The following EIF4G2 variants were observed in gnomAD, a reference collection of about 807,000 sequenced individuals.
EIF4G2 encodes DAP-5.
EIF4G2 carries 8 observed loss-of-function variants against 117.7 expected under a neutral mutation model. The observed-to-expected ratio is 0.07, with a 90% CI of 0.04 to 0.12. The LOEUF is 0.12. EIF4G2 is among the 10% of genes least tolerant of loss of function. The pLI is 1.00. For synonymous variants in EIF4G2, 413 were observed against 367.8 expected, an observed-to-expected ratio of 1.12 and a Z score of -1.41; for missense variants, 812 against 1,086.2, an observed-to-expected ratio of 0.75 and a Z score of 3.55.
In EIF4G2 at chr11:10,803,333, C is replaced by G; in HGVS notation, c.814-39G>C. The G allele has an allele frequency of 3.7e-6, 6 of 1,601,498 alleles. No homozygotes were observed. Among genetic ancestry groups the G allele is most frequent in the Non-Finnish European group, 5.1e-6 (6 of 1,172,128 alleles). On this transcript the variant is annotated intron_variant, in intron 9 of 21. Coordinates refer to ENST00000339995, the MANE Select transcript of EIF4G2 (RefSeq NM_001418.4). The surrounding 1 kb of genome is among the most constrained non-coding windows in gnomAD (Gnocchi z 4.0). ...AATACATTCATTGGAAGAGCTAAAG[C>G]AAATGTGTTCAATTTACAGCTTTAA...
chr11:10,799,876 G>T, intron 18 of EIF4G2, 120 bp from the exon 19 acceptor site: 1 of 1,281,140 alleles, frequency 7.8e-7, no homozygotes, highest in Non-Finnish European at 1.1e-6. Context: ...GCAGAATAGA[G>T]AACCAACCCA....
chr11:10,804,096 G>C (rs1355446254), intron 7 of EIF4G2, 41 bp downstream of exon 7: 2 of 1,612,568 alleles, frequency 1.2e-6, no homozygotes, highest in Non-Finnish European at 1.7e-6. Flanking sequence ...GAATTAAGCT[G>C]AAAATATACA....
chr11:10,802,988 AC>A (rs760069734), intron 11 of EIF4G2, 41 bp downstream of exon 11: 10 of 1,575,650 alleles, frequency 6.3e-6, no homozygotes, highest in South Asian at 1.1e-5. Context: ...TATTCTACAC[AC>A]ACAGAGTCTA....
In EIF4G2 at chr11:10,806,849, A is replaced by G; in HGVS notation, c.78T>C (p.Pro26=). 1 of 1,614,172 alleles carries G rather than the reference A, an allele frequency of 6.2e-7. No individual in the cohort carries two copies. Among genetic ancestry groups the G allele is most frequent in the Admixed American group, 1.7e-5 (1 of 60,014 alleles). Reference sequence around the variant, plus strand: ...TGCCAGCAGTCTTGGGATAGTGCTGAGGTGCACCCCTACTTCCTCCTCCGC... The same window carrying G: ...TGCCAGCAGTCTTGGGATAGTGCTGGGGTGCACCCCTACTTCCTCCTCCGC... The change falls in exon 3 of 22, where the codon CCT becomes CCC. Residue 26 remains proline (P), a synonymous_variant. Coordinates refer to ENST00000339995, the MANE Select transcript of EIF4G2 (RefSeq NM_001418.4).
intron 18 of EIF4G2, 32 bp downstream of exon 18, chr11:10,800,058 A>T (rs752634255): frequency 1.3e-6 from 2 of 1,598,406 alleles, no homozygotes; most frequent in South Asian, 2.2e-5. Context: ...TAATATTAAA[A>T]AAACAAAACA....
intron 4 of EIF4G2, 112 bp from the exon 5 acceptor site, chr11:10,805,127 C>T: frequency 1.2e-6 from 1 of 820,712 alleles, no homozygotes; most frequent in African/African-American, 1.7e-5. Context: ...TTTAAAAAAT[C>T]AAGACATGTT....
intron 13 of EIF4G2, 50 bp downstream of exon 13, chr11:10,801,999 A>C: frequency 6.8e-5 from 1 of 14,658 alleles, no homozygotes; most frequent in Non-Finnish European, 1.3e-4. Context: ...AGTTTGAAAT[A>C]AATGTTGCAG....
At chr11:10,801,541 G>A (rs1006102479) in intron 14 of EIF4G2, 120 bp downstream of exon 14, 3 of 938,196 alleles carry the variant, frequency 3.2e-6, no homozygotes, top group Non-Finnish European at 5.2e-6. Context: ...ATAGAAAAGA[G>A]AGAAAAACGT....
chr11:10,808,323 C>G, intron 1 of EIF4G2: 1 of 1,208,396 alleles, frequency 8.3e-7, no homozygotes. Context: ...GTTCCCTGGT[C>G]CCGCGCCAAC....
intron 14 of EIF4G2, chr11:10,801,348 C>T: frequency 1.6e-6 from 1 of 618,406 alleles, no homozygotes; most frequent in Non-Finnish European, 2.8e-6. Flanking sequence ...TAAAAAACTG[C>T]AAATTTAACT....
rs780767255 is a variant in EIF4G2 at position 10,802,149 on chromosome 11, C to T, written c.1199G>A (p.Arg400His). ...ATTGAAGAGTTGATTTGAACGATGA[C>T]GTCCCATGGTGGGTGAAAATCTATC... is the stretch of plus-strand genomic sequence containing the variant. Residue 400 changes from arginine to histidine, a missense_variant, in exon 13 of 22, where the codon CGT becomes CAT. Arg to His is a conservative substitution (Grantham distance 29). Transcript: ENST00000339995. 6.2e-6 allele frequency: 10 copies of T among 1,614,126 alleles called. No individual in the cohort carries two copies. The highest frequency in any genetic ancestry group is 2.7e-5 in the African/African-American group (2 of 74,936).
At chr11:10,804,094 C>T in intron 7 of EIF4G2, 43 bp downstream of exon 7, 1 of 1,612,390 alleles carries the variant, frequency 6.2e-7, no homozygotes, top group Non-Finnish European at 8.5e-7. Context: ...CAGAATTAAG[C>T]TGAAAATATA....
intron 5 of EIF4G2, 57 bp downstream of exon 5, chr11:10,804,856 T>G: frequency 9.8e-5 from 141 of 1,439,282 alleles, no homozygotes; most frequent in Non-Finnish European, 1.3e-4. Flanking sequence ...AAACACAACT[T>G]GAGTTTGTTA....
rs779055818 is a variant in EIF4G2, at chr11:10,807,375, G to T, written c.-80C>A. The stretch of plus-strand genomic sequence containing the variant: ...GGGGAGGGGAGGGGACAGGAGAAAT[G>T]AAATACCTGGAACGAGAAAGAGCAC... On this transcript the variant is annotated 5_prime_UTR_variant, in exon 2 of 22. Coordinates refer to ENST00000339995, the MANE Select transcript of EIF4G2 (RefSeq NM_001418.4). 3 of 1,599,104 alleles carry T rather than the reference G, an allele frequency of 1.9e-6. No homozygotes were observed. Among genetic ancestry groups the T allele is most frequent in the East Asian group, 2.2e-5 (1 of 44,802 alleles).
intron 11 of EIF4G2, 89 bp from the exon 12 acceptor site, chr11:10,802,524 G>A (rs538975716): frequency 7.0e-7 from 1 of 1,429,624 alleles, no homozygotes; most frequent in African/African-American, 1.4e-5. Context: ...GGGAAACCTA[G>A]AATATTAAAC....
chr11:10,805,047 A>G, intron 4 of EIF4G2, 32 bp from the exon 5 acceptor site: 1 of 1,508,624 alleles, frequency 6.6e-7, no homozygotes, highest in South Asian at 1.1e-5. Flanking sequence ...TTTAAGTGTT[A>G]GCTAATACAC....
chr11:10,798,052 CAG>C (rs1189385590), intron 21 of EIF4G2, among the ~76,000 whole-genome samples, 171 bp from the exon 22 acceptor site: 1 of 152,208 alleles, frequency 6.6e-6, no homozygotes, highest in Non-Finnish European at 1.5e-5. Context: ...TGGGACAACA[CAG>C]AGCTAAAGAT....
In EIF4G2 at chr11:10,797,273, CTT is replaced by C. The variant is rs1441292474; in HGVS notation, c.*541_*542del. 2 of 153,218 alleles carry C rather than the reference CTT, an allele frequency of 1.3e-5. No individual in the cohort carries two copies. Among genetic ancestry groups the C allele is most frequent in the Non-Finnish European group, 2.9e-5 (2 of 68,496 alleles). 9.5% of individuals were successfully genotyped at this position (153,218 alleles called of 1,614,324 possible). ...GTAAACCATGTTTCTTTTAAAAAGA[CTT>C]GTGCACTTGCCCAGGCTCAAGGATA... On this transcript the variant is annotated 3_prime_UTR_variant, in exon 22 of 22. Transcript: ENST00000339995. The surrounding 1 kb of genome is among the most constrained non-coding windows in gnomAD (Gnocchi z 4.5).
In EIF4G2 at chr11:10,800,487, G is replaced by T. The variant is rs762668499; in HGVS notation, c.1805C>A (p.Ser602Tyr). Residue 602 changes from serine to tyrosine, a missense_variant, in exon 17 of 22, where the codon TCT becomes TAT. Physicochemically the swap from Ser to Tyr is moderately radical, Grantham distance 144. This residue lies in a region of EIF4G2 where 571 missense variants were observed against 642.3 expected (regional missense o/e 0.89). Transcript: ENST00000339995. ...TTCCTGTTTGAGTAAACTGATCAAA[G>T]AACTTGCTTTTTCTTTATCTTCATC... is the stretch of plus-strand genomic sequence containing the variant. 6 of 1,614,008 alleles carry T rather than the reference G, an allele frequency of 3.7e-6. No homozygotes were observed. The highest frequency in any genetic ancestry group is 4.2e-6 in the Non-Finnish European group (5 of 1,180,024).
Sources: gnomAD v4.1 joint callset for allele counts (sites outside exome capture counted in the v4.1 genomes callset) on GRCh38, gnomAD v4.1.1 for gene constraint, gnomAD v4.1.1 regional missense constraint, Gnocchi (gnomAD v3.1) non-coding constraint, MANE v1.5 for transcripts, NCBI Gene and HGNC (gene_info 2026-07-23, HGNC 2026-07-21) for gene names.